Variants in SLMAP observed in about 807,000 individuals in gnomAD.
SLMAP encodes the protein sarcolemmal membrane-associated protein.
A neutral mutation model predicts 128.8 loss-of-function variants in SLMAP; 44 were observed. The observed-to-expected ratio is 0.34, with a 90% CI of 0.27 to 0.44. The LOEUF is 0.44. Ranked by LOEUF, SLMAP falls within the 20% of genes least tolerant of loss-of-function variation. SLMAP has a pLI of 1.00. For missense variants in SLMAP, 787 were observed against 985.3 expected, an observed-to-expected ratio of 0.80 and a Z score of 2.69; for synonymous variants, 327 against 348.8, an observed-to-expected ratio of 0.94 and a Z score of 0.70.
At chr3:57,789,298 T>C (rs1483027901) in intron 2 of SLMAP, among the ~76,000 whole-genome samples, 9 of 152,038 alleles carry the variant, frequency 5.9e-5, no homozygotes, top group Non-Finnish European at 1.5e-5. Context: ...AGAGAGAGAC[T>C]GGGCTCACTC....
At position 57,860,700 on chromosome 3, in the gene SLMAP, A is replaced by T. The variant is rs2153599088; in HGVS notation, c.689A>T (p.Asn230Ile). 2 of 1,547,030 alleles carry T rather than the reference A, an allele frequency of 1.3e-6. No homozygotes were observed. Among genetic ancestry groups the T allele is most frequent in the East Asian group, 4.6e-5 (2 of 43,150 alleles). ...MGNQLQACSK[N>I]QTEDSLRKEL... ...AATTATAAATATCTTTTATTGTAGA[A>T]TCAAACAGAAGATAGTTTACGAAAG... is the stretch of plus-strand genomic sequence containing the variant. The change falls in exon 9 of 25, where the codon AAT becomes ATT. Residue 230 changes from asparagine (N) to isoleucine (I), a missense_variant and splice_region_variant. Coordinates refer to ENST00000671191, the MANE Select transcript of SLMAP (RefSeq NM_001377540.1).
intron 2 of SLMAP, among the ~76,000 whole-genome samples, chr3:57,766,079 A>C (rs1179232259): frequency 6.7e-6 from 1 of 148,626 alleles, no homozygotes; most frequent in African/African-American, 2.5e-5. Context: ...GCTCATTGTA[A>C]GCTCCGCCTC....
At chr3:57,843,708 C>T (rs150822318) in intron 4 of SLMAP, among the ~76,000 whole-genome samples, 3 of 71,770 alleles carry the variant, frequency 4.2e-5, no homozygotes. Context: ...CCTTCCTTTT[C>T]TTTCTTTCTT....
intron 2 of SLMAP, among the ~76,000 whole-genome samples, chr3:57,761,963 C>T (rs1274272077): frequency 4.1e-5 from 6 of 147,700 alleles, no homozygotes; most frequent in African/African-American, 1.5e-4. Context: ...AGGAGAATGG[C>T]GTGAACCCGG....
At chr3:57,877,729 T>C (rs1228653218) in intron 14 of SLMAP, among the ~76,000 whole-genome samples, 1 of 152,148 alleles carries the variant, frequency 6.6e-6, no homozygotes, top group Admixed American at 6.6e-5. Context: ...TTTTGGTATG[T>C]GTACTGTTGC....
At chr3:57,856,186 G>A (rs1419696803) in intron 6 of SLMAP, among the ~76,000 whole-genome samples, 2 of 152,088 alleles carry the variant, frequency 1.3e-5, no homozygotes, top group Non-Finnish European at 2.9e-5. Flanking sequence ...TCATGCAACA[G>A]CACTCCAGCC....
At chr3:57,835,698 CTAAGTAAAATAAAAATGT>C (rs1366744703) in intron 3 of SLMAP, among the ~76,000 whole-genome samples, 5 of 151,876 alleles carry the variant, frequency 3.3e-5, no homozygotes, top group South Asian at 2.1e-4. Flanking sequence ...GAAAAGAAAA[CTAAGTAAAATAAAAATGT>C]TAAGTAAAAT....
At chr3:57,808,236 G>T (rs775119752) in intron 2 of SLMAP, among the ~76,000 whole-genome samples, 1 of 151,762 alleles carries the variant, frequency 6.6e-6, no homozygotes, top group Non-Finnish European at 1.5e-5. Context: ...TTTTTGTAGG[G>T]TTTTTTGTGT....
chr3:57,815,823 A>G (rs1263864164), intron 2 of SLMAP, among the ~76,000 whole-genome samples: 1 of 152,152 alleles, frequency 6.6e-6, no homozygotes, highest in African/African-American at 2.4e-5. Flanking sequence ...CTTATTTTTA[A>G]AAACCTTTAC....
At chr3:57,813,614 ACAT>A (rs2091385652) in intron 2 of SLMAP, among the ~76,000 whole-genome samples, 1 of 152,196 alleles carries the variant, frequency 6.6e-6, no homozygotes. Flanking sequence ...TCTAAACAAT[ACAT>A]CATAACAACT....
chr3:57,873,591 A>G (rs1412081238), intron 14 of SLMAP, among the ~76,000 whole-genome samples: 1 of 152,234 alleles, frequency 6.6e-6, no homozygotes, highest in Admixed American at 6.5e-5. Flanking sequence ...TCTGATTACT[A>G]AATCTCATTT....
chr3:57,916,733 A>G (rs956540223), intron 21 of SLMAP, among the ~76,000 whole-genome samples, 173 bp from the exon 22 acceptor site: 1 of 151,934 alleles, frequency 6.6e-6, no homozygotes, highest in Admixed American at 6.6e-5. Context: ...GCATTTTTTT[A>G]GTGTTTTGAT....
chr3:57,881,104 G>A (rs1188282086), intron 14 of SLMAP, among the ~76,000 whole-genome samples: 1 of 151,934 alleles, frequency 6.6e-6, no homozygotes, highest in Non-Finnish European at 1.5e-5. Flanking sequence ...TGAGGCAGGA[G>A]AATCACTTGA....
chr3:57,790,502 TA>T (rs1316310012), intron 2 of SLMAP, among the ~76,000 whole-genome samples: 1 of 152,198 alleles, frequency 6.6e-6, no homozygotes, highest in African/African-American at 2.4e-5. Context: ...CTTTTTGCAG[TA>T]GATATATATT....
intron 2 of SLMAP, among the ~76,000 whole-genome samples, chr3:57,798,317 TTA>T (rs1364957556): frequency 6.6e-6 from 1 of 152,204 alleles, no homozygotes; most frequent in African/African-American, 2.4e-5. Flanking sequence ...TGTCTTGTTC[TTA>T]TATAGGCGGC....
chr3:57,884,897 A>T (rs962944996), intron 14 of SLMAP, among the ~76,000 whole-genome samples: 1 of 152,176 alleles, frequency 6.6e-6, no homozygotes, highest in Non-Finnish European at 1.5e-5. Context: ...AAATGCATGT[A>T]AGACTTTGTC....
intron 4 of SLMAP, among the ~76,000 whole-genome samples, chr3:57,843,305 CTTTTTTTTT>C: frequency 1.9e-3 from 172 of 92,142 alleles, no homozygotes; most frequent in East Asian, 0.014. Flanking sequence ...CTTTCTTTTC[CTTTTTTTTT>C]TTTTTTTTTT....
chr3:57,851,865 C>T (rs573482437), intron 6 of SLMAP, among the ~76,000 whole-genome samples: 2 of 152,198 alleles, frequency 1.3e-5, no homozygotes, highest in East Asian at 3.9e-4. Context: ...GGTAGGCCTT[C>T]AGTTGTCTTT....
At chr3:57,759,733 G>T (rs2078244488) in intron 2 of SLMAP, among the ~76,000 whole-genome samples, 1 of 152,148 alleles carries the variant, frequency 6.6e-6, no homozygotes, top group Non-Finnish European at 1.5e-5. Context: ...CAGACAACAG[G>T]TTGGCTCACA....
Sources: gnomAD v4.1 joint callset for allele counts (sites outside exome capture counted in the v4.1 genomes callset) on GRCh38, gnomAD v4.1.1 for gene constraint, MANE v1.5 for transcripts, NCBI Gene and HGNC (gene_info 2026-07-23, HGNC 2026-07-21) for gene names.